GNG7: variants seen among roughly 807,000 people sequenced by gnomAD.
GNG7 encodes G protein subunit gamma 7.
GNG7 carries 1 observed loss-of-function variant against 4.0 expected under a neutral mutation model. The ratio of observed to expected loss-of-function variants is 0.25; its 90% CI spans 0.09 to 1.18. The LOEUF is 1.18. GNG7 is among the 50% of genes most tolerant of loss of function. GNG7 has a pLI of 0.50. For synonymous variants in GNG7, 34 were observed against 36.9 expected (o/e 0.92, Z 0.29); for missense variants, 86 against 91.9 (o/e 0.94, Z 0.26).
chr19:2,684,213 T>C (rs1257934789), intron 1 of GNG7, among the ~76,000 whole-genome samples: 1 of 149,442 alleles, frequency 6.7e-6, no homozygotes, highest in African/African-American at 2.5e-5. Flanking sequence ...CTCGGCTCAC[T>C]GCAAGCTCCT....
At chr19:2,661,302 GAGAAAGAAAGAAAGAA>G (rs71179906) in intron 1 of GNG7, among the ~76,000 whole-genome samples, 13 of 73,120 alleles carry the variant, frequency 1.8e-4, no homozygotes, top group African/African-American at 7.0e-4. Flanking sequence ...AAGAAAGAAA[GAGAAAGAAAGAAAGAA>G]AGAAAGAAAG....
intron 1 of GNG7, among the ~76,000 whole-genome samples, chr19:2,697,483 C>T (rs533813038): frequency 1.3e-5 from 2 of 152,280 alleles, no homozygotes; most frequent in East Asian, 3.9e-4. Flanking sequence ...TCACACTCAT[C>T]GGTAGGGTCT....
intron 1 of GNG7, among the ~76,000 whole-genome samples, chr19:2,654,437 C>G (rs1453321138): frequency 6.6e-6 from 1 of 151,912 alleles, no homozygotes; most frequent in Non-Finnish European, 1.5e-5. Flanking sequence ...TCCACCCACT[C>G]TATGCCAGGA....
At chr19:2,650,275 T>C (rs1234337505) in intron 1 of GNG7, among the ~76,000 whole-genome samples, 1 of 142,182 alleles carries the variant, frequency 7.0e-6, no homozygotes, top group African/African-American at 2.7e-5. Context: ...AACCTCCACC[T>C]CCCGAGTTCA....
chr19:2,581,872 G>A (rs1437414018), intron 2 of GNG7, among the ~76,000 whole-genome samples: 2 of 152,192 alleles, frequency 1.3e-5, no homozygotes, highest in Non-Finnish European at 2.9e-5. Context: ...ATGTCTGGGA[G>A]GGGACAGGGA....
At chr19:2,665,948 C>A (rs1375110991) in intron 1 of GNG7, among the ~76,000 whole-genome samples, 1 of 151,998 alleles carries the variant, frequency 6.6e-6, no homozygotes, top group Non-Finnish European at 1.5e-5. Context: ...GGCTCACTGC[C>A]TCTGCCTCCC....
intron 2 of GNG7, among the ~76,000 whole-genome samples, chr19:2,595,628 G>A (rs1020467525): frequency 4.6e-5 from 7 of 151,620 alleles, no homozygotes; most frequent in Admixed American, 1.3e-4. Flanking sequence ...CCAGCTACTC[G>A]GGAGGCTGAG....
chr19:2,685,397 A>C (rs1226105589), intron 1 of GNG7, among the ~76,000 whole-genome samples: 1 of 152,042 alleles, frequency 6.6e-6, no homozygotes, highest in Non-Finnish European at 1.5e-5. Flanking sequence ...GCCGAGGCTG[A>C]AGGATAGCTT....
At chr19:2,532,367 T>C (rs4542780) in intron 3 of GNG7, among the ~76,000 whole-genome samples, 118,601 of 152,088 alleles carry the variant, frequency 0.78, 46,316 homozygotes, top group Admixed American at 0.85. Context: ...AAAGTAAGAA[T>C]TCAATGGAAG....
chr19:2,660,396 C>T (rs1174006486), intron 1 of GNG7, among the ~76,000 whole-genome samples: 1 of 152,104 alleles, frequency 6.6e-6, no homozygotes, highest in Non-Finnish European at 1.5e-5. Context: ...GCTCCAAAAC[C>T]ACAGGGAAGG....
intron 2 of GNG7, among the ~76,000 whole-genome samples, chr19:2,562,647 C>T (rs528165466): frequency 2.6e-5 from 4 of 152,166 alleles, no homozygotes; most frequent in African/African-American, 9.6e-5. Context: ...TCCATGCCAG[C>T]AGCAGGTGCC....
chr19:2,581,559 G>A (rs1295650564), intron 2 of GNG7, among the ~76,000 whole-genome samples: 1 of 152,158 alleles, frequency 6.6e-6, no homozygotes, highest in East Asian at 1.9e-4. Context: ...CAGGACGCCT[G>A]CAGCCAAGCT....
intron 2 of GNG7, among the ~76,000 whole-genome samples, chr19:2,608,418 G>A (rs540929578): frequency 3.3e-5 from 5 of 152,252 alleles, no homozygotes; most frequent in African/African-American, 1.2e-4. Flanking sequence ...CTCTGGAGGT[G>A]GGCGCCCCAG....
chr19:2,570,772 C>A (rs1354304511), intron 2 of GNG7, among the ~76,000 whole-genome samples: 1 of 152,072 alleles, frequency 6.6e-6, no homozygotes, highest in Non-Finnish European at 1.5e-5. Context: ...GAAACAAAAC[C>A]CCAAGCCTAA....
intron 4 of GNG7, 123 bp downstream of exon 4, chr19:2,520,485 G>T: frequency 1.6e-6 from 1 of 613,862 alleles, no homozygotes; most frequent in Non-Finnish European, 3.0e-6. Context: ...AGGGCCTCAA[G>T]GTCACACAGC....
At chr19:2,677,125 T>C (rs1983613537) in intron 1 of GNG7, among the ~76,000 whole-genome samples, 1 of 152,176 alleles carries the variant, frequency 6.6e-6, no homozygotes, top group Non-Finnish European at 1.5e-5. Context: ...GCAAGAATTC[T>C]TCCAGGGAGC....
At chr19:2,528,368 A>T (rs1205403041) in intron 3 of GNG7, among the ~76,000 whole-genome samples, 1 of 150,722 alleles carries the variant, frequency 6.6e-6, no homozygotes, top group Non-Finnish European at 1.5e-5. Flanking sequence ...GCCAGGAGAT[A>T]CAGACCATCC....
chr19:2,673,729 A>C (rs528776393), intron 1 of GNG7, among the ~76,000 whole-genome samples: 16 of 151,934 alleles, frequency 1.1e-4, no homozygotes, highest in Non-Finnish European at 2.1e-4. Flanking sequence ...AGAAAGAAAA[A>C]TAAAATGTAA....
intron 2 of GNG7, chr19:2,610,187 G>T (rs912780745): frequency 5.9e-5 from 9 of 151,584 alleles, no homozygotes; most frequent in Admixed American, 4.6e-4. Flanking sequence ...TGGAGACAGG[G>T]TCTCACCCTG....
Sources: gnomAD v4.1 joint callset for allele counts (sites outside exome capture counted in the v4.1 genomes callset) on GRCh38, gnomAD v4.1.1 for gene constraint, MANE v1.5 for transcripts, NCBI Gene and HGNC (gene_info 2026-07-23, HGNC 2026-07-21) for gene names.